Variants in RIMS2 observed in about 807,000 individuals in gnomAD.
RIMS2 encodes regulating synaptic membrane exocytosis protein 2.
Under a neutral mutation model 174.4 loss-of-function variants are expected in RIMS2, and 59 were observed. That is an observed-to-expected ratio of 0.34 (90% confidence interval 0.27 to 0.42). RIMS2 has a LOEUF of 0.42. Among genes scored for constraint, RIMS2 ranks in the 10% least tolerant of loss-of-function variants. The probability of loss-of-function intolerance (pLI) is 1.00; values close to 1 mark genes in which losing one functional copy is unlikely to be tolerated. For synonymous variants in RIMS2, 606 were observed against 572.5 expected (o/e 1.06, Z -0.84); for missense variants, 1,620 against 1,666.3 (o/e 0.97, Z 0.48).
chr8:103,511,644 A>G (rs1475416808), intron 1 of RIMS2, among the ~76,000 whole-genome samples: 4 of 152,230 alleles, frequency 2.6e-5, no homozygotes, highest in Non-Finnish European at 4.4e-5. Context: ...AAAAGTAGCT[A>G]TGAAATAAAG....
chr8:104,236,166 A>G (rs1443639260), intron 19 of RIMS2, among the ~76,000 whole-genome samples: 1 of 151,926 alleles, frequency 6.6e-6, no homozygotes, highest in African/African-American at 2.4e-5. Flanking sequence ...CATAGGTGAT[A>G]TAAACTTTAT....
At chr8:103,851,644 T>TAC (rs10529078) in intron 3 of RIMS2, among the ~76,000 whole-genome samples, 3,766 of 136,518 alleles carry the variant, frequency 0.028, 61 homozygotes, top group East Asian at 0.072. Flanking sequence ...GAATGCTATG[T>TAC]ACACACACAC....
chr8:103,693,830 G>A (rs1483061633), intron 1 of RIMS2, among the ~76,000 whole-genome samples: 1 of 152,092 alleles, frequency 6.6e-6, no homozygotes, highest in Non-Finnish European at 1.5e-5. Flanking sequence ...CTCTTTCTTT[G>A]GGAACTGACC....
intron 1 of RIMS2, among the ~76,000 whole-genome samples, chr8:103,679,650 A>G (rs937362999): frequency 5.3e-5 from 8 of 152,066 alleles, no homozygotes; most frequent in Admixed American, 2.6e-4. Context: ...TTTACTTTAG[A>G]AAATACTGAA....
intron 19 of RIMS2, among the ~76,000 whole-genome samples, chr8:104,166,059 CTTTT>C (rs560648211): frequency 1.0e-5 from 1 of 97,834 alleles, no homozygotes; most frequent in African/African-American, 3.9e-5. Context: ...TTTTGGATTT[CTTTT>C]TTTTTTTTTT....
chr8:103,605,404 G>C lies in RIMS2; in HGVS notation c.177-91682G>C, dbSNP rs1488535703. ...ATGTGCTGCTGGATTCGTTTTGCCA[G>C]TATTTTATTGAGGATTTTTGCATCA... On this transcript the variant is annotated intron_variant, in intron 1 of 23. Coordinates refer to ENST00000504942, the Ensembl canonical transcript of RIMS2. Among the ~76,000 whole-genome samples the C allele has an allele frequency of 7.0e-3, 996 of 142,838 alleles. 12 individuals carry two copies. Among genetic ancestry groups the C allele is most frequent in the Non-Finnish European group, 7.1e-3 (467 of 66,018 alleles). 93.7% of individuals were successfully genotyped at this position (142,838 alleles called of 152,430 possible).
At chr8:103,553,257 T>A (rs1848872108) in intron 1 of RIMS2, among the ~76,000 whole-genome samples, 1 of 152,214 alleles carries the variant, frequency 6.6e-6, no homozygotes, top group Admixed American at 6.5e-5. Flanking sequence ...CATGGAATAC[T>A]GTGCAGCCAT....
chr8:104,004,397 T>C (rs1054701137), intron 17 of RIMS2, among the ~76,000 whole-genome samples: 4 of 152,022 alleles, frequency 2.6e-5, no homozygotes, highest in Non-Finnish European at 5.9e-5. Flanking sequence ...AGGAATAGTT[T>C]CAAGAAGAAA....
chr8:103,795,711 C>G (rs2098545157), intron 3 of RIMS2, among the ~76,000 whole-genome samples: 1 of 152,146 alleles, frequency 6.6e-6, no homozygotes, highest in South Asian at 2.1e-4. Context: ...TCCACCTGAA[C>G]TAGTTGCAGA....
chr8:103,677,683 A>G (rs985239254), intron 1 of RIMS2, among the ~76,000 whole-genome samples: 3 of 152,180 alleles, frequency 2.0e-5, no homozygotes, highest in African/African-American at 7.2e-5. Context: ...TGGTAAAATT[A>G]AAAACTTTGG....
intron 18 of RIMS2, 81 bp downstream of exon 20, chr8:104,013,702 C>A: frequency 8.9e-7 from 1 of 1,126,786 alleles, no homozygotes. Flanking sequence ...TAACTGGTCT[C>A]TTCTATCATC....
chr8:104,220,940 A>G (rs1405407471), intron 19 of RIMS2, among the ~76,000 whole-genome samples: 3 of 152,082 alleles, frequency 2.0e-5, no homozygotes, highest in Non-Finnish European at 4.4e-5. Context: ...TCTCTGCTCA[A>G]TCTCTCTTCC....
At chr8:103,675,199 A>G (rs1418903588) in intron 1 of RIMS2, among the ~76,000 whole-genome samples, 1 of 152,160 alleles carries the variant, frequency 6.6e-6, no homozygotes, top group Non-Finnish European at 1.5e-5. Context: ...GACATGAGCC[A>G]CCAGAACTGG....
intron 1 of RIMS2, among the ~76,000 whole-genome samples, chr8:103,506,053 T>G (rs1823431463): frequency 6.6e-6 from 1 of 152,114 alleles, no homozygotes. Context: ...TATTCTAGTA[T>G]TTTTAAAAAG....
chr8:103,687,778 T>A (rs2096960377), intron 1 of RIMS2, among the ~76,000 whole-genome samples: 1 of 152,164 alleles, frequency 6.6e-6, no homozygotes. Context: ...TTTCTGTGCC[T>A]GGCTTACTTC....
intron 2 of RIMS2, among the ~76,000 whole-genome samples, chr8:103,713,074 A>G (rs1394134247): frequency 1.3e-5 from 2 of 151,508 alleles, no homozygotes; most frequent in Non-Finnish European, 2.9e-5. Context: ...GCTATAGTGC[A>G]GTGGTGCAAT....
At position 103,801,299 on chromosome 8, in the gene RIMS2, A is replaced by G. The variant is rs557219571; in HGVS notation, c.698+34762A>G. 1.9e-4 allele frequency among the ~76,000 whole-genome samples: 29 copies of G among 152,274 alleles called. 2 individuals carry two copies. The South Asian group carries it at 5.8e-3, about 30-fold the overall frequency. ...ACAGCACCCAGCCAGCAATGTCTTT[A>G]AAGACTATGAATTCAGTTTTTTCAA... is the stretch of plus-strand genomic sequence containing the variant. On this transcript the variant is annotated intron_variant, in intron 3 of 23. Coordinates refer to ENST00000504942, the Ensembl canonical transcript of RIMS2.
chr8:103,566,144 A>G (rs2092322716), intron 1 of RIMS2, among the ~76,000 whole-genome samples: 1 of 152,170 alleles, frequency 6.6e-6, no homozygotes, highest in Non-Finnish European at 1.5e-5. Flanking sequence ...CCTGGGGTAC[A>G]ATTTGAGTCA....
chr8:103,598,410 G>T (rs902266754), intron 1 of RIMS2, among the ~76,000 whole-genome samples: 1 of 152,142 alleles, frequency 6.6e-6, no homozygotes, highest in Non-Finnish European at 1.5e-5. Flanking sequence ...AAGATGTCAA[G>T]ATACTGAAAT....
Sources: gnomAD v4.1 joint callset for allele counts (sites outside exome capture counted in the v4.1 genomes callset) on GRCh38, gnomAD v4.1.1 for gene constraint, MANE v1.5 for transcripts, NCBI Gene and HGNC (gene_info 2026-07-23, HGNC 2026-07-21) for gene names.